KALRN: variants seen among roughly 807,000 people sequenced by gnomAD.
KALRN encodes the protein kalirin.
A neutral mutation model predicts 353.7 loss-of-function variants in KALRN; 70 were observed. The ratio of observed to expected loss-of-function variants is 0.20; its 90% CI spans 0.16 to 0.24. The LOEUF is 0.24. Ranked by LOEUF, KALRN falls within the 10% of genes least tolerant of loss-of-function variation. KALRN has a pLI of 1.00. For missense variants in KALRN, 2,791 were observed against 3,756.7 expected, an observed-to-expected ratio of 0.74 and a Z score of 6.72; for synonymous variants, 1,391 against 1,434.8, an observed-to-expected ratio of 0.97 and a Z score of 0.69.
intron 51 of KALRN, chr3:124,679,742 A>C (rs821364): frequency 0.68 from 412,401 of 607,044 alleles, 143,965 homozygotes; most frequent in African/African-American, 0.93. Flanking sequence ...AAAACTTGTT[A>C]TCTTGAATGC....
chr3:124,716,490 C>T (rs112689050), intron 58 of KALRN, among the ~76,000 whole-genome samples: 21,840 of 152,220 alleles, frequency 0.14, 2,020 homozygotes, highest in Middle Eastern at 0.21. Flanking sequence ...TGCCACTACA[C>T]TCCAGCCTGG....
intron 33 of KALRN, among the ~76,000 whole-genome samples, chr3:124,501,696 G>A (rs1431475758): frequency 3.3e-5 from 5 of 152,100 alleles, no homozygotes; most frequent in African/African-American, 1.2e-4. Flanking sequence ...CTAGATGCAA[G>A]GGCAGTAGCC....
chr3:124,591,699 A>G (rs2075790892), intron 34 of KALRN, among the ~76,000 whole-genome samples: 1 of 152,186 alleles, frequency 6.6e-6, no homozygotes, highest in South Asian at 2.1e-4. Context: ...ATTAGCTATT[A>G]ACCATAGCAG....
intron 33 of KALRN, among the ~76,000 whole-genome samples, chr3:124,508,324 T>G (rs2065459299): frequency 6.6e-6 from 1 of 152,246 alleles, no homozygotes; most frequent in Non-Finnish European, 1.5e-5. Flanking sequence ...TCTCCTTGCA[T>G]GCATAATAGT....
At chr3:124,355,942 T>C (rs35308612) in intron 10 of KALRN, among the ~76,000 whole-genome samples, 1,961 of 152,120 alleles carry the variant, frequency 0.013, 22 homozygotes, top group South Asian at 0.019. Flanking sequence ...CTCGAACTCC[T>C]GACCTCAAAT....
intron 16 of KALRN, among the ~76,000 whole-genome samples, chr3:124,432,395 T>C (rs528813965): frequency 6.6e-6 from 1 of 152,142 alleles, no homozygotes; most frequent in Admixed American, 6.5e-5. Context: ...GCCTGGGTAA[T>C]AGAGTGAGAC....
Position 124,632,626 on chromosome 3 carries a change from G to A in KALRN, c.5389G>A (p.Asp1797Asn), listed in dbSNP as rs754110701. 1.2e-5 allele frequency: 19 copies of A among 1,614,070 alleles called. No individual in the cohort carries two copies. Among genetic ancestry groups the A allele is most frequent in the South Asian group, 3.3e-5 (3 of 91,074 alleles). The change falls in exon 35 of 60, where the codon GAT becomes AAT. Residue 1797 changes from aspartate (D) to asparagine (N), a missense_variant. Around this residue, in one of 11 missense-constraint regions of KALRN, gnomAD observed 1,065 missense variants for 1,156.4 expected, o/e 0.92. Coordinates refer to ENST00000682506, the MANE Select transcript of KALRN (RefSeq NM_001388419.1). Reference protein sequence around the residue: ...GNIKKQKKVRDGRKSFDLGSP... With the variant: ...GNIKKQKKVRNGRKSFDLGSP... The stretch of plus-strand genomic sequence containing the variant: ...CATCAAAAAGCAGAAGAAAGTTCGC[G>A]ATGGTCGGAAGAGCTTTGACCTGGG...
At chr3:124,285,836 T>A (rs2075781004) in intron 5 of KALRN, among the ~76,000 whole-genome samples, 1 of 152,114 alleles carries the variant, frequency 6.6e-6, no homozygotes, top group Admixed American at 6.6e-5. Context: ...GCACCCTGCT[T>A]AAAAATAAAA....
chr3:124,363,124 T>C (rs1180683796), intron 10 of KALRN, among the ~76,000 whole-genome samples: 1 of 152,182 alleles, frequency 6.6e-6, no homozygotes, highest in Admixed American at 6.5e-5. Context: ...AAAAAAATTA[T>C]AGTATAAAGT....
intron 1 of KALRN, among the ~76,000 whole-genome samples, chr3:124,081,023 T>C (rs769033211): frequency 6.6e-6 from 1 of 152,220 alleles, no homozygotes; most frequent in Non-Finnish European, 1.5e-5. Flanking sequence ...ATGCAGTTTA[T>C]CTACAGCAAT....
At chr3:124,683,461 G>A (rs2061429452) in intron 51 of KALRN, among the ~76,000 whole-genome samples, 1 of 152,174 alleles carries the variant, frequency 6.6e-6, no homozygotes, top group African/African-American at 2.4e-5. Flanking sequence ...ATTGCCACCT[G>A]CCTACATCAC....
intron 3 of KALRN, among the ~76,000 whole-genome samples, chr3:124,241,076 A>G (rs1406921276): frequency 6.6e-6 from 1 of 152,088 alleles, no homozygotes; most frequent in East Asian, 1.9e-4. Context: ...TTGAGAGCCT[A>G]CCCTCCAATT....
chr3:124,165,113 T>C (rs6801466), intron 1 of KALRN, among the ~76,000 whole-genome samples: 32 of 152,368 alleles, frequency 2.1e-4, no homozygotes, highest in African/African-American at 7.0e-4. Flanking sequence ...ATTCCTTTTG[T>C]AACATTGTTC....
At chr3:124,345,918 C>A (rs905510303) in intron 9 of KALRN, among the ~76,000 whole-genome samples, 2 of 152,176 alleles carry the variant, frequency 1.3e-5, no homozygotes, top group African/African-American at 4.8e-5. Flanking sequence ...TGCTGCAGGG[C>A]AATCCGTTTG....
chr3:124,205,750 G>T (rs1043035786), intron 1 of KALRN, among the ~76,000 whole-genome samples: 8 of 152,082 alleles, frequency 5.3e-5, no homozygotes, highest in Admixed American at 2.6e-4. Flanking sequence ...TGTTCATATC[G>T]CTCTCTAAAA....
chr3:124,415,080 G>T (rs148074535), intron 14 of KALRN, among the ~76,000 whole-genome samples: 2 of 152,246 alleles, frequency 1.3e-5, no homozygotes, highest in Non-Finnish European at 2.9e-5. Flanking sequence ...GCTGTGAACA[G>T]ACTGCCTCTG....
At chr3:124,616,670 C>T (rs959311435) in intron 34 of KALRN, among the ~76,000 whole-genome samples, 1 of 152,088 alleles carries the variant, frequency 6.6e-6, no homozygotes, top group Non-Finnish European at 1.5e-5. Flanking sequence ...GCACTTAGAA[C>T]TTCTTAAGGA....
chr3:124,546,290 CA>C (rs5852410), intron 33 of KALRN, among the ~76,000 whole-genome samples: 9,390 of 114,476 alleles, frequency 0.082, 288 homozygotes, highest in East Asian at 0.18. Context: ...CCCCATCTCT[CA>C]AAAAAAAAAA....
At chr3:124,054,711 T>G (rs1467999985) in intron 1 of KALRN, among the ~76,000 whole-genome samples, 2 of 152,246 alleles carry the variant, frequency 1.3e-5, no homozygotes, top group Non-Finnish European at 2.9e-5. Context: ...TAGTCTAGAC[T>G]ATATTGTCCA....
Sources: allele counts gnomAD v4.1 joint callset (sites outside exome capture counted in the v4.1 genomes callset), GRCh38; gene constraint gnomAD v4.1.1; regional missense constraint gnomAD v4.1.1; transcripts MANE v1.5; gene names NCBI Gene and HGNC (gene_info 2026-07-23, HGNC 2026-07-21).